ITGBL1: variants seen among roughly 807,000 people sequenced by gnomAD.
ITGBL1 encodes the protein integrin beta-like protein 1.
A neutral mutation model predicts 68.5 loss-of-function variants in ITGBL1; 51 were observed. That is an observed-to-expected ratio of 0.74 (90% CI 0.59 to 0.94). The LOEUF (loss-of-function observed/expected upper bound fraction) is 0.94, where lower values mean the gene tolerates loss of function less well. Ranked by LOEUF, ITGBL1 falls within the 40% of genes least tolerant of loss-of-function variation. The probability of loss-of-function intolerance (pLI) is 0.00; values close to 1 mark genes in which losing one functional copy is unlikely to be tolerated. For synonymous variants in ITGBL1, 209 were observed against 227.3 expected, an observed-to-expected ratio of 0.92 and a Z score of 0.72; for missense variants, 649 against 647.4, an observed-to-expected ratio of 1.00 and a Z score of -0.03.
At chr13:101,524,375 A>T (rs917450930) in intron 2 of ITGBL1, among the ~76,000 whole-genome samples, 1 of 114,906 alleles carries the variant, frequency 8.7e-6, no homozygotes, top group African/African-American at 3.4e-5. Context: ...TGTAAAACTC[A>T]ATGTATTCTT....
chr13:101,551,903 GA>G (rs2049927136), intron 2 of ITGBL1, among the ~76,000 whole-genome samples: 1 of 152,124 alleles, frequency 6.6e-6, no homozygotes. Context: ...CAGATTTTCA[GA>G]ATGTGGGGTG....
rs1237078437 is a variant in ITGBL1 at position 101,605,323 on chromosome 13, TGC to T, written c.1015+7026_1015+7027del. ...ATATATAGGCATGTATATATGCATA[TGC>T]GTATATATATATACACATATCTAGA... On this transcript the variant is annotated intron_variant, in intron 7 of 10. Transcript: ENST00000376180. Among the ~76,000 whole-genome samples the T allele has an allele frequency of 3.1e-3, 13 of 4,142 alleles. 1 individual carries two copies. Among genetic ancestry groups the T allele is most frequent in the African/African-American group, 5.2e-3 (11 of 2,134 alleles). 2.7% of individuals were successfully genotyped at this position (4,142 alleles called of 152,430 possible). A position where few individuals can be genotyped will look rare whatever the true frequency, so the allele number is the denominator to read the frequency against.
chr13:101,481,146 GTA>G (rs34220008), intron 2 of ITGBL1, among the ~76,000 whole-genome samples: 23,158 of 145,122 alleles, frequency 0.16, 2,218 homozygotes, highest in East Asian at 0.43. Context: ...ATATATATAT[GTA>G]TATATATATA....
intron 7 of ITGBL1, among the ~76,000 whole-genome samples, chr13:101,676,626 G>A (rs2033509805): frequency 6.6e-6 from 1 of 152,056 alleles, no homozygotes; most frequent in African/African-American, 2.4e-5. Context: ...CTTTCCAATG[G>A]TCCTCTTTTC....
intron 7 of ITGBL1, among the ~76,000 whole-genome samples, chr13:101,608,724 G>A (rs2030988767): frequency 2.0e-5 from 3 of 152,050 alleles, no homozygotes; most frequent in Admixed American, 2.0e-4. Context: ...CTTTCTGCTA[G>A]ATTGATTCAT....
chr13:101,516,249 C>T (rs2049193598), intron 2 of ITGBL1, among the ~76,000 whole-genome samples: 1 of 152,048 alleles, frequency 6.6e-6, no homozygotes, highest in African/African-American at 2.4e-5. Context: ...TTGTTTAAAT[C>T]CTCCTCTGTC....
intron 2 of ITGBL1, among the ~76,000 whole-genome samples, chr13:101,459,256 A>G (rs528676853): frequency 1.6e-3 from 245 of 152,302 alleles, no homozygotes; most frequent in Middle Eastern, 3.4e-3. Context: ...AACGTGGGTT[A>G]ACTTGTTTAT....
intron 7 of ITGBL1, among the ~76,000 whole-genome samples, chr13:101,604,879 T>TACACACACACACACACACAC (rs1307529776): frequency 5.3e-4 from 7 of 13,314 alleles, no homozygotes; most frequent in Admixed American, 2.2e-3. Flanking sequence ...TATATATATA[T>TACACACACACACACACACAC]ATATATATAC....
intron 2 of ITGBL1, among the ~76,000 whole-genome samples, chr13:101,470,143 G>A (rs891536799): frequency 1.3e-5 from 2 of 152,116 alleles, no homozygotes; most frequent in Admixed American, 6.6e-5. Flanking sequence ...TGATAAGAGG[G>A]TGGAAAGAAT....
chr13:101,549,712 G>C (rs1403125215), intron 2 of ITGBL1, among the ~76,000 whole-genome samples: 3 of 151,920 alleles, frequency 2.0e-5, no homozygotes, highest in African/African-American at 7.2e-5. Context: ...GTTGACACAT[G>C]TCAGTGAAAA....
chr13:101,595,582 C>A (rs1335960053), intron 6 of ITGBL1, among the ~76,000 whole-genome samples: 1 of 151,996 alleles, frequency 6.6e-6, no homozygotes, highest in African/African-American at 2.4e-5. Context: ...ATGCAAATGG[C>A]CAGTGGGTAT....
chr13:101,532,013 T>C (rs971271068), intron 2 of ITGBL1, among the ~76,000 whole-genome samples: 1 of 152,066 alleles, frequency 6.6e-6, no homozygotes, highest in Non-Finnish European at 1.5e-5. Context: ...GGATTACAGG[T>C]GTGAGCCACC....
At chr13:101,578,747 A>G (rs2050405028) in intron 4 of ITGBL1, among the ~76,000 whole-genome samples, 1 of 152,212 alleles carries the variant, frequency 6.6e-6, no homozygotes, top group African/African-American at 2.4e-5. Context: ...TTAAACATGG[A>G]CTAGGCTGAA....
At chr13:101,575,592 T>C (rs747425941) in intron 4 of ITGBL1, 46 bp downstream of exon 4, 2 of 1,573,850 alleles carry the variant, frequency 1.3e-6, no homozygotes, top group South Asian at 2.2e-5. Context: ...ACCTGTTTTT[T>C]TCACCTATTT....
At chr13:101,519,293 G>A (rs2049245579) in intron 2 of ITGBL1, among the ~76,000 whole-genome samples, 1 of 152,144 alleles carries the variant, frequency 6.6e-6, no homozygotes, top group Admixed American at 6.5e-5. Context: ...TGATGAAAAT[G>A]TTCTTCATTT....
intron 2 of ITGBL1, among the ~76,000 whole-genome samples, chr13:101,527,854 G>A (rs369624704): frequency 2.0e-5 from 3 of 151,746 alleles, no homozygotes; most frequent in South Asian, 2.1e-4. Flanking sequence ...AAATTTTATC[G>A]TATTTATTTA....
chr13:101,520,457 G>GTA (rs2049267120), intron 2 of ITGBL1, among the ~76,000 whole-genome samples: 1 of 152,170 alleles, frequency 6.6e-6, no homozygotes, highest in African/African-American at 2.4e-5. Context: ...GAAAAATCCA[G>GTA]TATTCCTAGG....
chr13:101,603,189 C>A (rs906368232), intron 7 of ITGBL1, among the ~76,000 whole-genome samples: 1 of 151,954 alleles, frequency 6.6e-6, no homozygotes, highest in Admixed American at 6.6e-5. Flanking sequence ...TTACATTCCA[C>A]CAGCAGCGTG....
chr13:101,464,216 A>G (rs1242143768), intron 2 of ITGBL1, among the ~76,000 whole-genome samples: 3 of 152,056 alleles, frequency 2.0e-5, no homozygotes, highest in African/African-American at 4.8e-5. Flanking sequence ...AAAACTCCCA[A>G]TGCTTTGTTA....
Sources: gnomAD v4.1 joint callset for allele counts (sites outside exome capture counted in the v4.1 genomes callset) on GRCh38, gnomAD v4.1.1 for gene constraint, MANE v1.5 for transcripts, NCBI Gene and HGNC (gene_info 2026-07-23, HGNC 2026-07-21) for gene names.